Variants in TMEM232 observed in about 807,000 individuals in gnomAD.
TMEM232 encodes the protein transmembrane protein 232.
A neutral mutation model predicts 78.8 loss-of-function variants in TMEM232; 80 were observed. The ratio of observed to expected loss-of-function variants is 1.01; its 90% CI spans 0.85 to 1.22. The LOEUF (loss-of-function observed/expected upper bound fraction) is 1.22, where lower values mean the gene tolerates loss of function less well. TMEM232 is among the 50% of genes most tolerant of loss of function. TMEM232 has a pLI of 0.00. For missense variants in TMEM232, 881 were observed against 742.2 expected (o/e 1.19, Z -2.17); for synonymous variants, 297 against 254.3 (o/e 1.17, Z -1.60).
At chr5:110,640,024 C>G (rs561428332) in intron 4 of TMEM232, among the ~76,000 whole-genome samples, 4 of 152,192 alleles carry the variant, frequency 2.6e-5, no homozygotes, top group East Asian at 3.8e-4. Flanking sequence ...TGATTCACCC[C>G]CCTCGGGTTG....
chr5:110,573,638 T>C (rs149290035), intron 10 of TMEM232, among the ~76,000 whole-genome samples: 5,169 of 152,144 alleles, frequency 0.034, 131 homozygotes, highest in African/African-American at 0.065. Context: ...ATGAATGTTA[T>C]GAGAATAATA....
chr5:110,640,736 T>C (rs1026745728), intron 4 of TMEM232, 155 bp downstream of exon 4: 12 of 424,770 alleles, frequency 2.8e-5, no homozygotes, highest in Non-Finnish European at 4.5e-5. Context: ...AAATTCAAAA[T>C]TACAAAATGA....
intron 12 of TMEM232, among the ~76,000 whole-genome samples, chr5:110,485,600 G>T (rs1764375167): frequency 6.6e-6 from 1 of 152,064 alleles, no homozygotes; most frequent in Non-Finnish European, 1.5e-5. Flanking sequence ...TAGAATAATA[G>T]TCTCCAATCT....
At chr5:110,585,168 C>T (rs1053532902) in intron 10 of TMEM232, among the ~76,000 whole-genome samples, 2 of 152,014 alleles carry the variant, frequency 1.3e-5, no homozygotes, top group African/African-American at 4.8e-5. Flanking sequence ...TTGAAAGTTC[C>T]AGCGTGTGTT....
rs1271156039 is a variant in TMEM232, at chr5:110,419,873, A to G, written c.*707T>C. 6.6e-6 allele frequency among the ~76,000 whole-genome samples: 1 copy of G among 152,120 alleles called. No homozygotes were observed. Among genetic ancestry groups the G allele is most frequent in the Non-Finnish European group, 1.5e-5 (1 of 67,980 alleles). On this transcript the variant is annotated 3_prime_UTR_variant, in exon 14 of 14. Transcript: ENST00000455884. ...TCAGATGAAGTGAAGTTCCATTTCT[A>G]AAATAACTCCTATTTCTATGAATGT...
At chr5:110,587,429 G>A (rs897592749) in intron 10 of TMEM232, among the ~76,000 whole-genome samples, 4 of 151,860 alleles carry the variant, frequency 2.6e-5, no homozygotes, top group South Asian at 2.1e-4. Context: ...TGCTAGTACC[G>A]TGACTATTAA....
chr5:110,551,139 C>G (rs975324980), intron 11 of TMEM232, among the ~76,000 whole-genome samples: 3 of 152,064 alleles, frequency 2.0e-5, no homozygotes, highest in East Asian at 3.9e-4. Context: ...TATGAATAAG[C>G]CTTGAACACT....
At chr5:110,696,162 T>C (rs569178166) in intron 1 of TMEM232, among the ~76,000 whole-genome samples, 5 of 152,132 alleles carry the variant, frequency 3.3e-5, no homozygotes, top group Non-Finnish European at 7.3e-5. Context: ...CGAAAATCAA[T>C]AAACGTAATC....
chr5:110,577,192 T>C (rs896816823), intron 10 of TMEM232, among the ~76,000 whole-genome samples: 7 of 150,582 alleles, frequency 4.6e-5, no homozygotes, highest in African/African-American at 1.7e-4. Flanking sequence ...AGAAAAAAAA[T>C]CCCATAAAAA....
At chr5:110,548,784 A>C (rs1167197115) in intron 11 of TMEM232, among the ~76,000 whole-genome samples, 3 of 152,124 alleles carry the variant, frequency 2.0e-5, no homozygotes, top group Non-Finnish European at 4.4e-5. Context: ...AGGGAGCATA[A>C]AATTAAAAGA....
chr5:110,720,057 C>T (rs898396326), intron 1 of TMEM232, among the ~76,000 whole-genome samples: 6 of 152,062 alleles, frequency 3.9e-5, no homozygotes, highest in Non-Finnish European at 7.4e-5. Flanking sequence ...AAATTATTTT[C>T]AAGAGCAGCA....
intron 12 of TMEM232, among the ~76,000 whole-genome samples, chr5:110,440,689 A>G (rs1467204596): frequency 2.6e-5 from 4 of 152,136 alleles, no homozygotes; most frequent in Non-Finnish European, 5.9e-5. Context: ...AATATATTTG[A>G]AGAACTAGGC....
At chr5:110,691,038 G>A (rs545723921) in intron 1 of TMEM232, among the ~76,000 whole-genome samples, 1 of 151,772 alleles carries the variant, frequency 6.6e-6, no homozygotes, top group Admixed American at 6.6e-5. Context: ...CAGGCTGATG[G>A]GTGCAGCAAA....
chr5:110,414,665 A>G (rs1756120815), downstream of TMEM232, among the ~76,000 whole-genome samples: 1 of 152,114 alleles, frequency 6.6e-6, no homozygotes, highest in South Asian at 2.1e-4. Context: ...AAATCAAGAG[A>G]GCTTTTAAAT....
intron 1 of TMEM232, among the ~76,000 whole-genome samples, chr5:110,697,743 A>G (rs902924557): frequency 1.3e-5 from 2 of 152,232 alleles, no homozygotes; most frequent in Admixed American, 6.5e-5. Flanking sequence ...TCAAACCGCA[A>G]TGAGATACCA....
upstream of TMEM232, among the ~76,000 whole-genome samples, chr5:110,727,716 C>A (rs558990776): frequency 9.2e-5 from 14 of 152,056 alleles, no homozygotes; most frequent in East Asian, 1.5e-3. Flanking sequence ...TACTTCGATT[C>A]GGAATTAAGT....
intron 1 of TMEM232, among the ~76,000 whole-genome samples, chr5:110,673,360 G>T (rs1221894271): frequency 1.3e-5 from 2 of 151,694 alleles, no homozygotes; most frequent in Non-Finnish European, 1.5e-5. Context: ...GTTAAATGAC[G>T]AGTTAATGGG....
At chr5:110,422,286 C>T (rs1402609257) in intron 13 of TMEM232, among the ~76,000 whole-genome samples, 12 of 151,780 alleles carry the variant, frequency 7.9e-5, no homozygotes, top group Non-Finnish European at 1.2e-4. Flanking sequence ...GAGGCTGAGG[C>T]GGGCGGATCA....
intron 1 of TMEM232, among the ~76,000 whole-genome samples, chr5:110,707,424 G>T (rs1019511310): frequency 1.3e-5 from 2 of 152,192 alleles, no homozygotes; most frequent in African/African-American, 4.8e-5. Context: ...AAGCTCTGCT[G>T]GGCACAGCCA....
Sources: allele counts gnomAD v4.1 joint callset (sites outside exome capture counted in the v4.1 genomes callset), GRCh38; gene constraint gnomAD v4.1.1; transcripts MANE v1.5; gene names NCBI Gene and HGNC (gene_info 2026-07-23, HGNC 2026-07-21).